The following ITFG1 variants were observed in gnomAD, a reference collection of about 807,000 sequenced individuals.
ITFG1 encodes the protein integrin alpha FG-GAP repeat containing 1.
ITFG1 carries 34 observed loss-of-function variants against 81.8 expected under a neutral mutation model. That is an observed-to-expected ratio of 0.42 (90% CI 0.32 to 0.55). The LOEUF (loss-of-function observed/expected upper bound fraction) is 0.55. Ranked by LOEUF, ITFG1 falls within the 20% of genes least tolerant of loss-of-function variation. ITFG1 has a pLI of 0.17. For synonymous variants in ITFG1, 285 were observed against 270.6 expected, an observed-to-expected ratio of 1.05 and a Z score of -0.52; for missense variants, 672 against 755.4, an observed-to-expected ratio of 0.89 and a Z score of 1.29.
intron 13 of ITFG1, among the ~76,000 whole-genome samples, chr16:47,222,678 G>T (rs1193182451): frequency 1.3e-5 from 2 of 152,204 alleles, no homozygotes; most frequent in African/African-American, 4.8e-5. Context: ...CTCCCAAAGT[G>T]CTGGGATTAC....
chr16:47,321,724 T>A (rs1967451433), intron 8 of ITFG1, among the ~76,000 whole-genome samples: 2 of 152,116 alleles, frequency 1.3e-5, no homozygotes, highest in African/African-American at 4.8e-5. Flanking sequence ...AATGCTACAT[T>A]TTTGATATCA....
chr16:47,292,292 G>A (rs926806542), intron 10 of ITFG1, among the ~76,000 whole-genome samples: 2 of 152,138 alleles, frequency 1.3e-5, no homozygotes, highest in Admixed American at 6.5e-5. Flanking sequence ...GATTAGAGGC[G>A]TGAGCCACCG....
intron 6 of ITFG1, among the ~76,000 whole-genome samples, chr16:47,387,740 C>T (rs961336772): frequency 6.6e-6 from 1 of 152,104 alleles, no homozygotes; most frequent in East Asian, 1.9e-4. Context: ...GAAGACTGTG[C>T]ATACTTTTTC....
At chr16:47,412,974 A>T (rs1455966191) in intron 6 of ITFG1, among the ~76,000 whole-genome samples, 1 of 152,190 alleles carries the variant, frequency 6.6e-6, no homozygotes, top group Non-Finnish European at 1.5e-5. Flanking sequence ...GATTTCCCCC[A>T]ATCTGGCTAG....
chr16:47,436,940 C>T (rs1489713427), intron 5 of ITFG1, among the ~76,000 whole-genome samples: 1 of 152,062 alleles, frequency 6.6e-6, no homozygotes, highest in African/African-American at 2.4e-5. Flanking sequence ...ATTAGCTATA[C>T]CAATTACTCT....
At chr16:47,256,965 T>A (rs575610907) in intron 12 of ITFG1, among the ~76,000 whole-genome samples, 1 of 152,216 alleles carries the variant, frequency 6.6e-6, no homozygotes, top group African/African-American at 2.4e-5. Context: ...CAGTTCAGGA[T>A]AGAACTCTCA....
intron 1 of ITFG1, 41 bp from the exon 2 acceptor site, chr16:47,459,216 G>T: frequency 7.7e-7 from 1 of 1,294,320 alleles, no homozygotes; most frequent in South Asian, 1.2e-5. Context: ...AATGTTTGTT[G>T]ATAAGATATC....
At chr16:47,405,064 T>A (rs564227263) in intron 6 of ITFG1, among the ~76,000 whole-genome samples, 1 of 152,156 alleles carries the variant, frequency 6.6e-6, no homozygotes, top group African/African-American at 2.4e-5. Context: ...GTCTCCCAAT[T>A]TGTGGCTTTC....
chr16:47,222,477 G>A (rs1179505873), intron 13 of ITFG1, among the ~76,000 whole-genome samples: 2 of 149,800 alleles, frequency 1.3e-5, no homozygotes, highest in African/African-American at 2.5e-5. Context: ...GCAGTGGCGC[G>A]ATCTCGGCTC....
intron 6 of ITFG1, among the ~76,000 whole-genome samples, chr16:47,416,836 A>G (rs1328040565): frequency 1.3e-5 from 2 of 152,198 alleles, no homozygotes; most frequent in Non-Finnish European, 2.9e-5. Context: ...TGTCAACACA[A>G]AAGGACTAAC....
rs112171675 is a variant in ITFG1 at position 47,302,035 on chromosome 16, C to CAA, written c.1070+9203_1070+9204dup. Among the ~76,000 whole-genome samples, 242 of 142,840 alleles carry CAA rather than the reference C, an allele frequency of 1.7e-3. 1 individual carries two copies. The highest frequency in any genetic ancestry group is 5.8e-3 in the African/African-American group (229 of 39,784). 93.7% of individuals were successfully genotyped at this position (142,840 alleles called of 152,430 possible). A position where few individuals can be genotyped will look rare whatever the true frequency, so the allele number is the denominator to read the frequency against. ...TTGTCTAGTTTCCCCAATGAGTCTT[C>CAA]AAAAAAAAAAATCTTTATGTTTCTG... On this transcript the variant is annotated intron_variant, in intron 10 of 17. Transcript: ENST00000320640.
intron 6 of ITFG1, among the ~76,000 whole-genome samples, chr16:47,415,515 T>C (rs1383316679): frequency 2.0e-5 from 3 of 152,266 alleles, no homozygotes; most frequent in Non-Finnish European, 2.9e-5. Context: ...TATAAATGCC[T>C]TGGTTGTCAG....
intron 6 of ITFG1, among the ~76,000 whole-genome samples, chr16:47,404,131 GC>G (rs1303626482): frequency 6.6e-6 from 1 of 152,076 alleles, no homozygotes; most frequent in Admixed American, 6.6e-5. Context: ...ATTCTCTGGG[GC>G]CAAAAGGGTT....
chr16:47,371,331 TCAGTA>T (rs1227779494), intron 7 of ITFG1, among the ~76,000 whole-genome samples: 1 of 152,214 alleles, frequency 6.6e-6, no homozygotes, highest in Admixed American at 6.5e-5. Flanking sequence ...TATAAAATGC[TCAGTA>T]TAGTGCCTAG....
At chr16:47,368,297 A>G (rs997327605) in intron 7 of ITFG1, among the ~76,000 whole-genome samples, 3 of 151,294 alleles carry the variant, frequency 2.0e-5, no homozygotes, top group African/African-American at 7.3e-5. Context: ...CACACTTGCA[A>G]TCCCAGCACT....
chr16:47,232,184 A>G (rs1374693440), intron 13 of ITFG1, among the ~76,000 whole-genome samples: 2 of 152,222 alleles, frequency 1.3e-5, no homozygotes. Flanking sequence ...GAACTGTAAG[A>G]GAATAAATCT....
At chr16:47,372,646 G>C (rs1968272325) in intron 7 of ITFG1, among the ~76,000 whole-genome samples, 1 of 151,878 alleles carries the variant, frequency 6.6e-6, no homozygotes, top group Non-Finnish European at 1.5e-5. Flanking sequence ...TAGAGATGGG[G>C]TTTCACCAGC....
chr16:47,225,046 A>C (rs1330314282), intron 13 of ITFG1, among the ~76,000 whole-genome samples: 1 of 152,200 alleles, frequency 6.6e-6, no homozygotes, highest in Admixed American at 6.5e-5. Flanking sequence ...ATCATGTCTA[A>C]ATAACTGAAG....
intron 8 of ITFG1, among the ~76,000 whole-genome samples, chr16:47,342,878 T>C (rs1226515026): frequency 6.6e-6 from 1 of 152,140 alleles, no homozygotes; most frequent in Non-Finnish European, 1.5e-5. Flanking sequence ...AAGTCTGTAT[T>C]CAGAGGTTGG....
Sources: gnomAD v4.1 joint callset for allele counts (sites outside exome capture counted in the v4.1 genomes callset) on GRCh38, gnomAD v4.1.1 for gene constraint, MANE v1.5 for transcripts, NCBI Gene and HGNC (gene_info 2026-07-23, HGNC 2026-07-21) for gene names.